The following EAF2 variants were observed in gnomAD, a reference collection of about 807,000 sequenced individuals.
EAF2 encodes the protein ELL-associated factor 2.
Under a neutral mutation model 29.4 loss-of-function variants are expected in EAF2, and 29 were observed. The observed-to-expected ratio is 0.99, with a 90% CI of 0.73 to 1.35. The LOEUF (loss-of-function observed/expected upper bound fraction) is 1.35, where lower values mean the gene tolerates loss of function less well. Among genes scored for constraint, EAF2 ranks in the 40% most tolerant of loss-of-function variants. The pLI is 0.00. For missense variants in EAF2, 292 were observed against 312.0 expected (o/e 0.94, Z 0.48); for synonymous variants, 103 against 102.5 (o/e 1.00, Z -0.03).
intron 2 of EAF2, among the ~76,000 whole-genome samples, chr3:121,845,906 C>A (rs1435413044): frequency 6.6e-6 from 1 of 152,084 alleles, no homozygotes; most frequent in Non-Finnish European, 1.5e-5. Flanking sequence ...CTCTAGTTTT[C>A]TCAGTCCTTG....
chr3:121,873,434 C>T (rs1709050295), intron 5 of EAF2, among the ~76,000 whole-genome samples: 1 of 151,778 alleles, frequency 6.6e-6, no homozygotes, highest in Non-Finnish European at 1.5e-5. Flanking sequence ...TTCTCAAAGT[C>T]ATCTGCTTCT....
rs1194248050 is a variant in EAF2 at position 121,869,367 on chromosome 3, G to A, written c.485-3170G>A. Among the ~76,000 whole-genome samples the A allele has an allele frequency of 3.3e-5, 5 of 152,218 alleles. No individual in the cohort carries two copies. The East Asian group carries it at 9.6e-4, about 29-fold the overall frequency. On this transcript the variant is annotated intron_variant, in intron 4 of 5. Transcript: ENST00000273668. ...AAAAAGAGACAAATAATGAAAATAAGAAGTGATATCAATGAAATTGAAAAC... is the reference window on the plus strand; with the variant it reads ...AAAAAGAGACAAATAATGAAAATAAAAAGTGATATCAATGAAATTGAAAAC...
chr3:121,840,509 G>GAAAAAA (rs869127997), intron 1 of EAF2, among the ~76,000 whole-genome samples: 2 of 55,682 alleles, frequency 3.6e-5, no homozygotes, highest in African/African-American at 6.6e-5. Context: ...AAAAAAAAAA[G>GAAAAAA]AAAAAAAAAA....
At chr3:121,868,856 C>G (rs1002711742) in intron 4 of EAF2, among the ~76,000 whole-genome samples, 2 of 152,182 alleles carry the variant, frequency 1.3e-5, no homozygotes, top group African/African-American at 2.4e-5. Flanking sequence ...CTGAGTAACA[C>G]AATCAACCCA....
intron 2 of EAF2, among the ~76,000 whole-genome samples, chr3:121,849,663 A>T (rs1324588531): frequency 1.3e-5 from 2 of 152,078 alleles, no homozygotes; most frequent in Non-Finnish European, 2.9e-5. Context: ...TCCTATATGT[A>T]TGAGGGGTAC....
At chr3:121,862,649 C>T (rs765757613) in intron 4 of EAF2, among the ~76,000 whole-genome samples, 1 of 152,166 alleles carries the variant, frequency 6.6e-6, no homozygotes, top group African/African-American at 2.4e-5. Context: ...TTTGTTATCA[C>T]CAATTGTCTG....
intron 1 of EAF2, among the ~76,000 whole-genome samples, chr3:121,838,726 T>C (rs948400205): frequency 6.6e-6 from 1 of 152,196 alleles, no homozygotes; most frequent in African/African-American, 2.4e-5. Context: ...GATTGTACAG[T>C]ATTTGATATG....
chr3:121,863,877 CTT>C (rs1228778027), intron 4 of EAF2, among the ~76,000 whole-genome samples: 2 of 152,086 alleles, frequency 1.3e-5, no homozygotes, highest in South Asian at 4.1e-4. Flanking sequence ...AAAAATGACT[CTT>C]TAGATATATG....
intron 5 of EAF2, chr3:121,873,185 A>G: frequency 1.7e-6 from 1 of 588,298 alleles, no homozygotes. Context: ...TCTGATTCAA[A>G]CCTCTAGGCT....
At chr3:121,861,578 T>C (rs1708832494) in intron 4 of EAF2, among the ~76,000 whole-genome samples, 4 of 152,202 alleles carry the variant, frequency 2.6e-5, no homozygotes, top group African/African-American at 9.7e-5. Context: ...GCATGTGAGA[T>C]GTGTCTCCTG....
chr3:121,873,616 G>A (rs1331222469), intron 5 of EAF2, among the ~76,000 whole-genome samples: 2 of 151,664 alleles, frequency 1.3e-5, no homozygotes, highest in Non-Finnish European at 3.0e-5. Flanking sequence ...CATCTCTTCT[G>A]CTTTATACTT....
rs145048650 is a variant in EAF2 at position 121,861,131 on chromosome 3, A to G, written c.484+3975A>G. ...GGAATAAGTGTGATGTGGTTCTGAG[A>G]AGGATGTATATTCTGTTGATTTGGG... On this transcript the variant is annotated intron_variant, in intron 4 of 5. Coordinates refer to ENST00000273668, the MANE Select transcript of EAF2 (RefSeq NM_018456.6). Among the ~76,000 whole-genome samples the G allele has an allele frequency of 5.3e-3, 809 of 152,296 alleles. 9 individuals are homozygous for G. The highest frequency in any genetic ancestry group is 0.019 in the African/African-American group (777 of 41,556).
At chr3:121,839,559 T>C (rs955272828) in intron 1 of EAF2, among the ~76,000 whole-genome samples, 1 of 152,202 alleles carries the variant, frequency 6.6e-6, no homozygotes, top group African/African-American at 2.4e-5. Flanking sequence ...ATATTAATAA[T>C]GGATGCTGTC....
rs377108596 is a variant in EAF2, at chr3:121,854,780, C to T, written c.295C>T (p.Arg99Trp). The T allele has an allele frequency of 1.5e-5, 24 of 1,569,470 alleles. No individual in the cohort carries two copies. The African/African-American group carries it at 1.5e-4, about 10-fold the overall frequency. The change falls in exon 3 of 6, where the codon CGG becomes TGG. Residue 99 changes from arginine (R) to tryptophan (W), a missense_variant. By Grantham distance (101) the Arg-to-Trp change is moderately radical. Coordinates refer to ENST00000273668, the MANE Select transcript of EAF2 (RefSeq NM_018456.6). Reference protein sequence around the residue: ...LIINHDTGECRLEKLSSNITV... With the variant: ...LIINHDTGECWLEKLSSNITV... ...TATTAACCATGATACTGGAGAATGT[C>T]GGCTAGAAAAACTCAGCAGCAACAT...
At chr3:121,862,816 T>A (rs1211900093) in intron 4 of EAF2, among the ~76,000 whole-genome samples, 2 of 152,016 alleles carry the variant, frequency 1.3e-5, no homozygotes, top group African/African-American at 2.4e-5. Context: ...TCCCAAAAGG[T>A]AGATAAAGGT....
intron 2 of EAF2, among the ~76,000 whole-genome samples, chr3:121,850,720 G>A (rs1027832411): frequency 7.9e-5 from 12 of 151,606 alleles, no homozygotes; most frequent in African/African-American, 1.9e-4. Flanking sequence ...TTTTTGAGAC[G>A]GAGTCTCACT....
Position 121,872,735 on chromosome 3 carries a change from A to C in EAF2, c.683A>C (p.Asp228Ala). The change falls in exon 5 of 6, where the codon GAT (aspartate) becomes GCT (alanine). Residue 228 changes from aspartate to alanine, a missense_variant. Physicochemically the swap from Asp to Ala is moderately radical, Grantham distance 126 (BLOSUM62 -2). Transcript: ENST00000273668. ...TMTQYRIPDI[D>A]ASHNRFRDNS... The stretch of plus-strand genomic sequence containing the variant: ...ACACAGTACAGGATTCCTGATATAG[A>C]TGCCAGTCATAATAGATTTCGAGAC... 2 of 1,612,528 alleles carry C rather than the reference A, an allele frequency of 1.2e-6. No individual in the cohort carries two copies. Among genetic ancestry groups the C allele is most frequent in the Non-Finnish European group, 1.7e-6 (2 of 1,179,004 alleles).
rs929750866 is a variant in EAF2 at position 121,873,963 on chromosome 3, A to G, written c.736+1175A>G. On this transcript the variant is annotated intron_variant, in intron 5 of 5. Coordinates refer to ENST00000273668, the MANE Select transcript of EAF2 (RefSeq NM_018456.6). ...TCAATTGTTTGACAGTTGTAAATTT[A>G]CATTAATTTGTGTGATTTGCTCTCT... Among the ~76,000 whole-genome samples, 6 of 151,978 alleles carry G rather than the reference A, an allele frequency of 3.9e-5. No homozygotes were observed. The East Asian group carries it at 1.2e-3, about 29-fold the overall frequency.
chr3:121,844,412 C>A, intron 1 of EAF2, 41 bp from the exon 2 acceptor site: 2 of 1,188,108 alleles, frequency 1.7e-6, no homozygotes, highest in Non-Finnish European at 2.5e-6. Context: ...ATCCAAATAT[C>A]ATTACATTTT....
Sources: gnomAD v4.1 joint callset for allele counts (sites outside exome capture counted in the v4.1 genomes callset) on GRCh38, gnomAD v4.1.1 for gene constraint, MANE v1.5 for transcripts, NCBI Gene and HGNC (gene_info 2026-07-23, HGNC 2026-07-21) for gene names.